Variants in MAPK10 observed in about 807,000 individuals in gnomAD.
MAPK10 encodes mitogen-activated protein kinase 10.
In MAPK10, 25 loss-of-function variants were observed where a neutral mutation model predicts 59.3. The observed-to-expected ratio is 0.42, with a 90% CI of 0.31 to 0.59. The LOEUF (loss-of-function observed/expected upper bound fraction) is 0.59. Among genes scored for constraint, MAPK10 ranks in the 20% least tolerant of loss-of-function variants. The pLI, the probability that MAPK10 is intolerant of heterozygous loss-of-function variation, is 0.15. For synonymous variants in MAPK10, 190 were observed against 200.5 expected (o/e 0.95, Z 0.44); for missense variants, 351 against 568.9 (o/e 0.62, Z 3.90).
intron 1 of MAPK10, among the ~76,000 whole-genome samples, chr4:86,533,249 G>C (rs551927661): frequency 6.6e-5 from 10 of 152,254 alleles, no homozygotes; most frequent in South Asian, 4.1e-4. Context: ...GGGGTAAAAG[G>C]GGGGGAAAAT....
chr4:86,220,191 A>G (rs1044255250), intron 2 of MAPK10, among the ~76,000 whole-genome samples: 1 of 152,196 alleles, frequency 6.6e-6, no homozygotes, highest in Non-Finnish European at 1.5e-5. Flanking sequence ...GTTTGCTTTA[A>G]TTTCATCTGT....
At chr4:86,073,799 G>C (rs1265042735) in intron 9 of MAPK10, among the ~76,000 whole-genome samples, 11 of 106,592 alleles carry the variant, frequency 1.0e-4, no homozygotes, top group East Asian at 2.4e-4. Context: ...TTGCTGAGGA[G>C]AGCTTTACTT....
intron 1 of MAPK10, among the ~76,000 whole-genome samples, chr4:86,502,014 G>A (rs1755367740): frequency 6.6e-6 from 1 of 151,978 alleles, no homozygotes; most frequent in Admixed American, 6.6e-5. Context: ...AAAATGGCAG[G>A]GCACTGCATG....
chr4:86,287,652 C>T (rs1293436193), intron 2 of MAPK10, among the ~76,000 whole-genome samples: 2 of 152,174 alleles, frequency 1.3e-5, no homozygotes, highest in Non-Finnish European at 2.9e-5. Flanking sequence ...ATTAAAATTA[C>T]TCCCAATAAT....
chr4:86,571,530 C>T (rs1418429403), intron 1 of MAPK10, among the ~76,000 whole-genome samples: 1 of 151,948 alleles, frequency 6.6e-6, no homozygotes, highest in Non-Finnish European at 1.5e-5. Flanking sequence ...AGGTTAAAAA[C>T]CGGAAAGCAT....
rs114218490 is a variant in MAPK10, at chr4:86,315,437, A to C, written c.-7+39093T>G. Among the ~76,000 whole-genome samples, 570 of 152,258 alleles carry C rather than the reference A, an allele frequency of 3.7e-3. 3 individuals are homozygous for C. Among genetic ancestry groups the C allele is most frequent in the African/African-American group, 0.013 (540 of 41,568 alleles). On this transcript the variant is annotated intron_variant, in intron 2 of 13. Transcript: ENST00000641462. ...CATTTGTAACACAAATAAATGCTTG[A>C]CTAGATGGATATCCCACTTTCCATG...
intron 1 of MAPK10, among the ~76,000 whole-genome samples, chr4:86,515,562 T>G (rs779673248): frequency 6.6e-6 from 1 of 152,228 alleles, no homozygotes; most frequent in Non-Finnish European, 1.5e-5. Context: ...ACTGTGGTTT[T>G]GATTTGCATT....
chr4:86,234,438 G>C (rs2091990891), intron 2 of MAPK10, among the ~76,000 whole-genome samples: 1 of 151,950 alleles, frequency 6.6e-6, no homozygotes, highest in South Asian at 2.1e-4. Flanking sequence ...AACAGTTTCT[G>C]TTCTATTTCC....
intron 2 of MAPK10, among the ~76,000 whole-genome samples, chr4:86,295,922 T>C (rs967072515): frequency 1.3e-5 from 2 of 151,476 alleles, no homozygotes; most frequent in African/African-American, 4.8e-5. Flanking sequence ...ATGCCTGTAA[T>C]CCCAGCACTT....
intron 4 of MAPK10, among the ~76,000 whole-genome samples, chr4:86,142,497 T>C (rs1338692648): frequency 6.6e-6 from 1 of 152,110 alleles, no homozygotes; most frequent in African/African-American, 2.4e-5. Flanking sequence ...CTGTGATAGG[T>C]CTTGGGAAAA....
chr4:86,346,498 C>T (rs181464267), intron 2 of MAPK10, among the ~76,000 whole-genome samples: 98 of 152,226 alleles, frequency 6.4e-4, no homozygotes, highest in African/African-American at 2.3e-3. Flanking sequence ...CATTTTCAAA[C>T]CATGGTTGGT....
intron 1 of MAPK10, among the ~76,000 whole-genome samples, chr4:86,426,937 G>T (rs1009902198): frequency 6.6e-6 from 1 of 151,684 alleles, no homozygotes; most frequent in South Asian, 2.1e-4. Context: ...TTATCTTTTC[G>T]ACTCTATCAC....
At chr4:86,416,932 G>C (rs887667414) in intron 1 of MAPK10, among the ~76,000 whole-genome samples, 9 of 152,158 alleles carry the variant, frequency 5.9e-5, no homozygotes, top group Non-Finnish European at 4.4e-5. Flanking sequence ...TGCTGGAATT[G>C]TCACATAGGT....
chr4:86,290,194 C>T (rs1372429032), intron 2 of MAPK10, among the ~76,000 whole-genome samples: 1 of 152,030 alleles, frequency 6.6e-6, no homozygotes, highest in African/African-American at 2.4e-5. Flanking sequence ...ATTTGGAAAT[C>T]AAGAAAAGGA....
chr4:86,137,180 C>A (rs1226829581), intron 4 of MAPK10, among the ~76,000 whole-genome samples: 2 of 151,624 alleles, frequency 1.3e-5, no homozygotes, highest in Admixed American at 6.6e-5. Context: ...CTGCACCAAG[C>A]GGACCTAATA....
chr4:86,172,935 A>T (rs1222045993), intron 3 of MAPK10, among the ~76,000 whole-genome samples: 2 of 151,968 alleles, frequency 1.3e-5, no homozygotes, highest in Non-Finnish European at 2.9e-5. Flanking sequence ...TTTCAAGGAG[A>T]ATTACAAAAC....
intron 2 of MAPK10, among the ~76,000 whole-genome samples, chr4:86,341,086 A>G (rs1177015712): frequency 6.6e-6 from 1 of 152,204 alleles, no homozygotes; most frequent in Non-Finnish European, 1.5e-5. Context: ...CTATGTAACT[A>G]TGACACAAAG....
intron 2 of MAPK10, chr4:86,277,280 G>C (rs2094610879): frequency 6.6e-6 from 1 of 151,946 alleles, no homozygotes; most frequent in Non-Finnish European, 1.5e-5. Context: ...TTTGCCTTTT[G>C]CTCCCTGCTG....
At chr4:86,249,386 C>G (rs1388344535) in intron 2 of MAPK10, among the ~76,000 whole-genome samples, 5 of 152,148 alleles carry the variant, frequency 3.3e-5, no homozygotes. Flanking sequence ...AGCATCACAT[C>G]CCCATTAGCT....
Sources: gnomAD v4.1 joint callset for allele counts (sites outside exome capture counted in the v4.1 genomes callset) on GRCh38, gnomAD v4.1.1 for gene constraint, MANE v1.5 for transcripts, NCBI Gene and HGNC (gene_info 2026-07-23, HGNC 2026-07-21) for gene names.